Variants in PRKG1 observed in about 807,000 individuals in gnomAD.
The protein encoded by PRKG1 is cGMP-dependent protein kinase 1.
Under a neutral mutation model 88.1 loss-of-function variants are expected in PRKG1, and 35 were observed. The ratio of observed to expected loss-of-function variants is 0.40; its 90% confidence interval spans 0.30 to 0.53. The LOEUF is 0.53. PRKG1 is among the 20% of genes least tolerant of loss of function. PRKG1 has a pLI of 0.59. For missense variants in PRKG1, 540 were observed against 839.8 expected (o/e 0.64, Z 4.41); for synonymous variants, 303 against 292.5 (o/e 1.04, Z -0.37).
At chr10:51,001,953 T>A (rs553080118) in intron 1 of PRKG1, among the ~76,000 whole-genome samples, 1 of 30,038 alleles carries the variant, frequency 3.3e-5, no homozygotes, top group Non-Finnish European at 6.0e-5. Context: ...GTACATATGG[T>A]CTTACATTTT....
chr10:52,084,299 AATGAG>A (rs1216781775), intron 7 of PRKG1, among the ~76,000 whole-genome samples: 1 of 152,068 alleles, frequency 6.6e-6, no homozygotes, highest in Non-Finnish European at 1.5e-5. Context: ...TTTCAAGACA[AATGAG>A]ATGAAAGTTT....
At chr10:51,056,872 G>A (rs532014642) in intron 1 of PRKG1, among the ~76,000 whole-genome samples, 38 of 152,060 alleles carry the variant, frequency 2.5e-4, no homozygotes, top group Middle Eastern at 3.4e-3. Flanking sequence ...TTCCTACCCC[G>A]TCTCAAAAAT....
chr10:52,098,199 T>C (rs1380004211), intron 7 of PRKG1, among the ~76,000 whole-genome samples: 1 of 152,190 alleles, frequency 6.6e-6, no homozygotes, highest in African/African-American at 2.4e-5. Flanking sequence ...CAAATGTTTT[T>C]TATTATGATA....
At chr10:51,858,576 T>C (rs1287082606) in intron 4 of PRKG1, among the ~76,000 whole-genome samples, 2 of 149,076 alleles carry the variant, frequency 1.3e-5, no homozygotes, top group African/African-American at 4.9e-5. Context: ...AAAACCCTAT[T>C]AAAACATTTT....
At chr10:51,620,796 A>T (rs1391851075) in intron 3 of PRKG1, among the ~76,000 whole-genome samples, 1 of 151,904 alleles carries the variant, frequency 6.6e-6, no homozygotes, top group Non-Finnish European at 1.5e-5. Flanking sequence ...CAAATAAATT[A>T]TGTAACTTCT....
At chr10:51,104,723 T>TTTAA (rs1844783266) in intron 1 of PRKG1, among the ~76,000 whole-genome samples, 5 of 148,982 alleles carry the variant, frequency 3.4e-5, no homozygotes, top group Non-Finnish European at 1.5e-5. Flanking sequence ...TATTTATTTA[T>TTTAA]TTATTTATTT....
chr10:51,803,510 A>G (rs10999561), intron 3 of PRKG1, among the ~76,000 whole-genome samples: 12,819 of 152,160 alleles, frequency 0.084, 586 homozygotes, highest in Non-Finnish European at 0.092. Context: ...CAAGGCACAC[A>G]CATGTCCTAA....
intron 2 of PRKG1, among the ~76,000 whole-genome samples, chr10:51,356,356 A>C (rs144062403): frequency 6.6e-5 from 10 of 152,128 alleles, no homozygotes; most frequent in Non-Finnish European, 1.3e-4. Flanking sequence ...AAAATCTATG[A>C]GGTCCAAGAC....
chr10:52,277,750 C>G (rs931015931), intron 12 of PRKG1, among the ~76,000 whole-genome samples: 1 of 152,146 alleles, frequency 6.6e-6, no homozygotes, highest in East Asian at 1.9e-4. Context: ...CTGCTAATGA[C>G]CAGCTTATTC....
intron 14 of PRKG1, among the ~76,000 whole-genome samples, chr10:52,283,284 C>G (rs1483788763): frequency 6.6e-6 from 1 of 151,960 alleles, no homozygotes; most frequent in Admixed American, 6.6e-5. Flanking sequence ...TTCTAGGACA[C>G]TGAGAGCCTA....
At chr10:51,136,411 T>C (rs1845686553) in intron 1 of PRKG1, among the ~76,000 whole-genome samples, 1 of 152,090 alleles carries the variant, frequency 6.6e-6, no homozygotes, top group African/African-American at 2.4e-5. Context: ...CCTCAGCTTA[T>C]AGATAGTAAT....
At chr10:51,354,199 CAA>C (rs11343246) in intron 2 of PRKG1, among the ~76,000 whole-genome samples, 6 of 149,944 alleles carry the variant, frequency 4.0e-5, no homozygotes, top group African/African-American at 4.9e-5. Flanking sequence ...TTAATGGGCA[CAA>C]AAAAAAAAAT....
intron 4 of PRKG1, among the ~76,000 whole-genome samples, chr10:51,869,986 A>G (rs1042147834): frequency 6.6e-6 from 1 of 152,218 alleles, no homozygotes; most frequent in Non-Finnish European, 1.5e-5. Context: ...AAAGAAAATC[A>G]CAGCAACGTG....
At chr10:51,097,946 C>T (rs1167904679) in intron 1 of PRKG1, among the ~76,000 whole-genome samples, 1 of 52,612 alleles carries the variant, frequency 1.9e-5, no homozygotes, top group African/African-American at 4.5e-5. Flanking sequence ...CCCCAGTTAA[C>T]TGGAAAAAAA....
At chr10:51,676,218 A>G (rs1266950270) in intron 3 of PRKG1, among the ~76,000 whole-genome samples, 4 of 152,076 alleles carry the variant, frequency 2.6e-5, no homozygotes, top group Non-Finnish European at 2.9e-5. Flanking sequence ...AATTAAAATT[A>G]TATTAAAGTA....
chr10:51,987,756 G>T (rs1844200163), intron 5 of PRKG1, among the ~76,000 whole-genome samples: 1 of 152,028 alleles, frequency 6.6e-6, no homozygotes. Flanking sequence ...TCATGTCAGT[G>T]TATGTGTGTC....
intron 9 of PRKG1, among the ~76,000 whole-genome samples, chr10:52,199,814 A>G (rs1839612197): frequency 6.6e-6 from 1 of 152,142 alleles, no homozygotes; most frequent in African/African-American, 2.4e-5. Flanking sequence ...TTGTGCTAGG[A>G]CAACCAGTGG....
intron 7 of PRKG1, among the ~76,000 whole-genome samples, chr10:52,108,917 T>C (rs1847490421): frequency 7.2e-6 from 1 of 139,006 alleles, no homozygotes; most frequent in Non-Finnish European, 1.5e-5. Flanking sequence ...ACCTACTGCC[T>C]CCCAGATTCA....
At chr10:51,097,176 G>A (rs574524376) in intron 1 of PRKG1, among the ~76,000 whole-genome samples, 1 of 152,188 alleles carries the variant, frequency 6.6e-6, no homozygotes, top group South Asian at 2.1e-4. Flanking sequence ...CTGGGGTAGG[G>A]GTCCATATAG....
Sources: gnomAD v4.1 joint callset for allele counts (sites outside exome capture counted in the v4.1 genomes callset) on GRCh38, gnomAD v4.1.1 for gene constraint, MANE v1.5 for transcripts, NCBI Gene and HGNC (gene_info 2026-07-23, HGNC 2026-07-21) for gene names.